DPP8: variants seen among roughly 807,000 people sequenced by gnomAD.
The protein encoded by DPP8 is DPP VIII.
Under a neutral mutation model 107.5 loss-of-function variants are expected in DPP8, and 31 were observed. The observed-to-expected ratio is 0.29, with a 90% CI of 0.22 to 0.39. The LOEUF is 0.39. DPP8 is among the 10% of genes least tolerant of loss of function. The pLI is 1.00. For missense variants in DPP8, 842 were observed against 1,076.1 expected (o/e 0.78, Z 3.04); for synonymous variants, 381 against 356.6 (o/e 1.07, Z -0.77).
chr15:65,456,573 T>C (rs1317014779), intron 15 of DPP8, among the ~76,000 whole-genome samples: 3 of 152,228 alleles, frequency 2.0e-5, no homozygotes, highest in African/African-American at 7.2e-5. Flanking sequence ...GGGCAATTAC[T>C]GAACAACCAT....
chr15:65,484,730 T>C (rs913472279), intron 8 of DPP8, among the ~76,000 whole-genome samples: 6 of 151,388 alleles, frequency 4.0e-5, no homozygotes, highest in African/African-American at 1.2e-4. Flanking sequence ...TTATAAGCAC[T>C]TGGCTGTCGA....
chr15:65,456,262 C>T lies in DPP8; in HGVS notation c.2081G>A (p.Arg694Gln). ...VVIDNRGSCH[R>Q]GLKFEGAFKY... ...AAAGGCGCCTTCAAATTTAAGCCCT[C>T]GGTGACAGGATCCCCTGTTGTCTAT... is the stretch of plus-strand genomic sequence containing the variant. The change falls in exon 16 of 20, where the codon CGA becomes CAA. Residue 694 changes from arginine to glutamine, a missense_variant. Transcript: ENST00000300141. The T allele has an allele frequency of 1.2e-6, 2 of 1,613,422 alleles. No individual in the cohort carries two copies. Among genetic ancestry groups the T allele is most frequent in the Non-Finnish European group, 1.7e-6 (2 of 1,179,852 alleles).
intron 1 of DPP8, 145 bp from the exon 2 acceptor site, chr15:65,512,709 GA>G: frequency 1.4e-6 from 1 of 735,858 alleles, no homozygotes; most frequent in Non-Finnish European, 2.2e-6. Flanking sequence ...AACTTAGTAA[GA>G]AAAGCAACAG....
intron 8 of DPP8, among the ~76,000 whole-genome samples, chr15:65,482,955 G>A (rs1043589283): frequency 2.4e-4 from 36 of 151,826 alleles, no homozygotes; most frequent in African/African-American, 8.5e-4. Context: ...AAATTAGCCG[G>A]GCATCTTGGC....
At chr15:65,486,682 A>G (rs1033981324) in intron 7 of DPP8, among the ~76,000 whole-genome samples, 1 of 152,256 alleles carries the variant, frequency 6.6e-6, no homozygotes, top group African/African-American at 2.4e-5. Context: ...TGGCATTCAC[A>G]GCAACCTAGA....
chr15:65,497,715 T>C, intron 5 of DPP8, 149 bp downstream of exon 5: 1 of 505,348 alleles, frequency 2.0e-6, no homozygotes, highest in Non-Finnish European at 3.3e-6. Context: ...TTATCCTCTG[T>C]ACTTTTCTCC....
chr15:65,444,206 ACCATGCCTAGCCTGGGAATACACATTT>A lies in DPP8; in HGVS notation c.*2651_*2677del, dbSNP rs1254925785. 9.8e-5 allele frequency: 15 copies of A among 152,346 alleles called. 1 individual carries two copies. Among genetic ancestry groups the A allele is most frequent in the African/African-American group, 3.6e-4 (15 of 41,590 alleles). The allele number at this position is 152,346 out of a possible 1,614,324, so 9.4% of individuals were successfully genotyped here. A position where few individuals can be genotyped will look rare whatever the true frequency, so the allele number is the denominator to read the frequency against. ...AGTGCTAGGATTACAGGCGTGAGCCACCATGCCTAGCCTGGGAATACACATTTTTAAGAGTGAGATTCAAAACTCTAC... is the reference window on the plus strand; with the variant it reads ...AGTGCTAGGATTACAGGCGTGAGCCATTAAGAGTGAGATTCAAAACTCTAC... On this transcript the variant is annotated 3_prime_UTR_variant, in exon 20 of 20. Coordinates refer to ENST00000300141, the MANE Select transcript of DPP8 (RefSeq NM_130434.5).
chr15:65,491,653 T>C (rs1245695851), intron 5 of DPP8, among the ~76,000 whole-genome samples: 1 of 152,248 alleles, frequency 6.6e-6, no homozygotes, highest in Non-Finnish European at 1.5e-5. Flanking sequence ...CTGAGTTGTA[T>C]TCCATTGCAT....
intron 1 of DPP8, among the ~76,000 whole-genome samples, chr15:65,513,138 A>G (rs1336228560): frequency 6.6e-6 from 1 of 152,226 alleles, no homozygotes; most frequent in Non-Finnish European, 1.5e-5. Context: ...AGCCAAACAA[A>G]ACACTTAACT....
Position 65,463,804 on chromosome 15 carries a change from C to G in DPP8, c.1928G>C (p.Gly643Ala), listed in dbSNP as rs2065111322. 2 of 1,613,420 alleles carry G rather than the reference C, an allele frequency of 1.2e-6. No homozygotes were observed. The highest frequency in any genetic ancestry group is 8.5e-7 in the Non-Finnish European group (1 of 1,179,538). Reference sequence around the variant, plus strand: ...GAACAGCACAGTAGGATATTTCTTTCCAGGCTGTAGATCATGAGGCTTGTA... The same window carrying G: ...GAACAGCACAGTAGGATATTTCTTTGCAGGCTGTAGATCATGAGGCTTGTA... ...MLYKPHDLQP[G>A]KKYPTVLFIY... The change falls in exon 15 of 20, where the codon GGA becomes GCA. Residue 643 changes from glycine to alanine, a missense_variant. Gly to Ala is a moderately conservative substitution (Grantham distance 60). This residue lies in a region of DPP8 where 179 missense variants were observed against 318.0 expected (regional missense o/e 0.56). Coordinates refer to ENST00000300141, the MANE Select transcript of DPP8 (RefSeq NM_130434.5).
intron 3 of DPP8, among the ~76,000 whole-genome samples, chr15:65,501,198 C>T (rs2069202805): frequency 6.6e-6 from 1 of 151,702 alleles, no homozygotes; most frequent in Non-Finnish European, 1.5e-5. Context: ...TTTTTTTCAG[C>T]CTTCTAATTC....
intron 7 of DPP8, among the ~76,000 whole-genome samples, chr15:65,486,934 T>G (rs1165632527): frequency 6.6e-6 from 1 of 151,894 alleles, no homozygotes; most frequent in Non-Finnish European, 1.5e-5. Flanking sequence ...ACTAGAGAAC[T>G]TATCCATGTA....
chr15:65,512,058 C>T (rs1184564686), intron 2 of DPP8: 1 of 649,606 alleles, frequency 1.5e-6, no homozygotes, highest in Admixed American at 2.1e-5. Flanking sequence ...GAAGCAATTT[C>T]TGGCATCTTC....
chr15:65,452,133 G>C, intron 17 of DPP8, 31 bp from the exon 18 acceptor site: 1 of 1,583,646 alleles, frequency 6.3e-7, no homozygotes, highest in Non-Finnish European at 8.6e-7. Flanking sequence ...AGTCAAGTGT[G>C]GTCTGGAAAA....
chr15:65,503,595 C>G (rs765242861), intron 3 of DPP8, among the ~76,000 whole-genome samples: 5 of 151,698 alleles, frequency 3.3e-5, no homozygotes, highest in Non-Finnish European at 7.4e-5. Flanking sequence ...CGCTGCACCC[C>G]CACCGCCCTA....
Position 65,444,919 on chromosome 15 carries a change from C to CAAAAACAAAACAAAACAAAACAAAACAA in DPP8, c.*1964_*1965insTTGTTTTGTTTTGTTTTGTTTTGTTTTT, listed in dbSNP as rs1567113108. ...ACAAAACAAAACAAAACACCCTCCACAGTCAGATATATACTTAAGGGGGAA... is the reference window on the plus strand; with the variant it reads ...ACAAAACAAAACAAAACACCCTCCACAAAAACAAAACAAAACAAAACAAAACAAAGTCAGATATATACTTAAGGGGGAA... On this transcript the variant is annotated 3_prime_UTR_variant, in exon 20 of 20. Coordinates refer to ENST00000300141, the MANE Select transcript of DPP8 (RefSeq NM_130434.5). The CAAAAACAAAACAAAACAAAACAAAACAA allele has an allele frequency of 2.6e-5, 4 of 152,200 alleles. No homozygotes were observed. The highest frequency in any genetic ancestry group is 4.8e-5 in the African/African-American group (2 of 41,434). The allele number at this position is 152,200 out of a possible 1,614,324, so 9.4% of individuals were successfully genotyped here. A position where few individuals can be genotyped will look rare whatever the true frequency, so the allele number is the denominator to read the frequency against.
chr15:65,478,601 A>C (rs576856272), intron 11 of DPP8, among the ~76,000 whole-genome samples: 1 of 152,362 alleles, frequency 6.6e-6, no homozygotes, highest in East Asian at 1.9e-4. Context: ...AAACAAATTA[A>C]AAATTGCAGT....
Position 65,483,385 on chromosome 15 carries a change from GGTGGT to G in DPP8, c.1017+1709_1017+1713del, listed in dbSNP as rs1291579989. 3.3e-5 allele frequency among the ~76,000 whole-genome samples: 5 copies of G among 152,006 alleles called. No individual in the cohort carries two copies. In the East Asian group the frequency reaches 7.8e-4, roughly 24 times the overall value. On this transcript the variant is annotated intron_variant, in intron 8 of 19. Transcript: ENST00000300141. ...ACGAAAAATAAAATTAGCGGGGCAT[GGTGGT>G]GTGTGCCTGTGGTCCCAGCTACTTA... is the stretch of plus-strand genomic sequence containing the variant.
intron 2 of DPP8, among the ~76,000 whole-genome samples, chr15:65,510,439 T>A (rs1035476203): frequency 3.9e-5 from 6 of 151,994 alleles, no homozygotes; most frequent in African/African-American, 1.4e-4. Flanking sequence ...CTTCAGGGGT[T>A]GGGTGGAAAA....
Sources: allele counts gnomAD v4.1 joint callset (sites outside exome capture counted in the v4.1 genomes callset), GRCh38; gene constraint gnomAD v4.1.1; regional missense constraint gnomAD v4.1.1; transcripts MANE v1.5; gene names NCBI Gene and HGNC (gene_info 2026-07-23, HGNC 2026-07-21).